LGMN: variants seen among roughly 807,000 people sequenced by gnomAD.
LGMN encodes asparaginyl endopeptidase.
In LGMN, 36 loss-of-function variants were observed where a neutral mutation model predicts 56.8. The ratio of observed to expected loss-of-function variants is 0.63; its 90% CI spans 0.49 to 0.84. The LOEUF (loss-of-function observed/expected upper bound fraction) is 0.84. LGMN is among the 40% of genes least tolerant of loss of function. LGMN has a pLI of 0.00. For missense variants in LGMN, 446 were observed against 556.1 expected, an observed-to-expected ratio of 0.80 and a Z score of 1.99; for synonymous variants, 199 against 210.1, an observed-to-expected ratio of 0.95 and a Z score of 0.46.
At chr14:92,712,955 T>A in intron 7 of LGMN, 84 bp from the exon 8 acceptor site, 1 of 1,219,248 alleles carries the variant, frequency 8.2e-7, no homozygotes, top group Non-Finnish European at 1.2e-6. Context: ...CCACTCTCTC[T>A]ACCCATTCCT....
rs74072446 is a variant in LGMN, at chr14:92,745,280, G to A, written c.-30+3209C>T. Among the ~76,000 whole-genome samples the A allele has an allele frequency of 9.0e-3, 1,368 of 152,308 alleles. 23 individuals are homozygous for A. The highest frequency in any genetic ancestry group is 0.031 in the African/African-American group (1,299 of 41,562). On this transcript the variant is annotated intron_variant, in intron 1 of 13. Coordinates refer to ENST00000334869, the MANE Select transcript of LGMN (RefSeq NM_005606.7). ...AAACCTGGGACCAGTGCAGTTTGCAGCCTTTTCCCAAAATGACTGAGCCTA... is the reference window on the plus strand; with the variant it reads ...AAACCTGGGACCAGTGCAGTTTGCAACCTTTTCCCAAAATGACTGAGCCTA...
At position 92,745,850 on chromosome 14, in the gene LGMN, T is replaced by C. The variant is rs539027967; in HGVS notation, c.-30+2639A>G. 7.2e-5 allele frequency among the ~76,000 whole-genome samples: 11 copies of C among 151,938 alleles called. No individual in the cohort carries two copies. In the East Asian group the frequency reaches 2.1e-3, roughly 29 times the overall value. On this transcript the variant is annotated intron_variant, in intron 1 of 13. Transcript: ENST00000334869. ...TTTTCTTTTTTTTTTTGAGATGGCA[T>C]GTCCCTCTCTGGCCAGGCTGGAGTG...
chr14:92,743,801 C>CA (rs397853236), intron 1 of LGMN, among the ~76,000 whole-genome samples: 343 of 94,900 alleles, frequency 3.6e-3, no homozygotes, highest in Middle Eastern at 7.4e-3. Flanking sequence ...GACTCTGTCT[C>CA]AAAAAAAAAA....
rs772606611 is a variant in LGMN, at chr14:92,732,688, G to T, written c.99C>A (p.Ile33=). 4 of 1,614,014 alleles carry T rather than the reference G, an allele frequency of 2.5e-6. No individual in the cohort carries two copies. Among genetic ancestry groups the T allele is most frequent in the Non-Finnish European group, 3.4e-6 (4 of 1,179,996 alleles). ...PEDGGKHWVV[I]VAGSNGWYNY... ...TATACCAGCCATTTGAACCTGCCAC[G>T]ATCACCACCCAGTGCTTGCCTCCAT... is the stretch of plus-strand genomic sequence containing the variant. The change falls in exon 2 of 14, where the codon ATC becomes ATA. Residue 33 remains isoleucine (I), a synonymous_variant. Coordinates refer to ENST00000334869, the MANE Select transcript of LGMN (RefSeq NM_005606.7).
chr14:92,742,962 A>G (rs1434375229), intron 1 of LGMN: 1 of 151,896 alleles, frequency 6.6e-6, no homozygotes, highest in Non-Finnish European at 1.5e-5. Flanking sequence ...TGAGCCCGGG[A>G]AGTCAAGGCT....
intron 1 of LGMN, among the ~76,000 whole-genome samples, chr14:92,736,713 T>G (rs2140271540): frequency 6.6e-6 from 1 of 152,258 alleles, no homozygotes; most frequent in Middle Eastern, 3.4e-3. Flanking sequence ...CCTGTTCCCT[T>G]AACCATAAAC....
intron 10 of LGMN, among the ~76,000 whole-genome samples, chr14:92,710,710 C>T (rs1320775513): frequency 6.6e-6 from 1 of 152,228 alleles, no homozygotes; most frequent in African/African-American, 2.4e-5. Context: ...GATGAGGACA[C>T]TGTGAAGAGA....
At chr14:92,745,971 G>T (rs999598643) in intron 1 of LGMN, among the ~76,000 whole-genome samples, 1 of 152,042 alleles carries the variant, frequency 6.6e-6, no homozygotes, top group Non-Finnish European at 1.5e-5. Context: ...ACAGGCACGT[G>T]CCACCACACC....
Position 92,711,742 on chromosome 14 carries a change from G to A in LGMN, c.736C>T (p.Leu246=). The stretch of plus-strand genomic sequence containing the variant: ...TGCTTGTGCAGGGTCTCTTTAGTCA[G>A]ATCTTCCTGCAAAAAGTGAGACCAT... ...NWMEDSDVED[L]TKETLHKQYH... is the part of the protein sequence containing the mutation. The change falls in exon 10 of 14, where the codon CTG becomes TTG. Residue 246 remains leucine, a synonymous_variant. Coordinates refer to ENST00000334869, the MANE Select transcript of LGMN (RefSeq NM_005606.7). 1 of 1,614,130 alleles carries A rather than the reference G, an allele frequency of 6.2e-7. No individual in the cohort carries two copies. The highest frequency in any genetic ancestry group is 8.5e-7 in the Non-Finnish European group (1 of 1,179,978).
intron 2 of LGMN, among the ~76,000 whole-genome samples, chr14:92,728,794 TG>T (rs2140253383): frequency 6.6e-6 from 1 of 152,356 alleles, no homozygotes; most frequent in Non-Finnish European, 1.5e-5. Context: ...CACCCCTTAC[TG>T]GCTGTGTGAC....
intron 1 of LGMN, among the ~76,000 whole-genome samples, chr14:92,734,711 C>T (rs1891217876): frequency 6.6e-6 from 1 of 152,056 alleles, no homozygotes; most frequent in Admixed American, 6.6e-5. Context: ...ATTCCAAACC[C>T]TTAAATACAT....
rs772865856 is a variant in LGMN, at chr14:92,711,645, G to A, written c.819+14C>T. Reference sequence around the variant, plus strand: ...CAAGGAACAGAGGGCCAGCACGCGAGGCTCCCGACTCACTTTGTTTCCATA... The same window carrying A: ...CAAGGAACAGAGGGCCAGCACGCGAAGCTCCCGACTCACTTTGTTTCCATA... On this transcript the variant is annotated intron_variant, in intron 10 of 13. Transcript: ENST00000334869. 1.2e-6 allele frequency: 2 copies of A among 1,612,512 alleles called. No individual in the cohort carries two copies. The highest frequency in any genetic ancestry group is 2.2e-5 in the East Asian group (1 of 44,878).
At chr14:92,725,132 G>A (rs1398238441) in intron 2 of LGMN, among the ~76,000 whole-genome samples, 1 of 152,228 alleles carries the variant, frequency 6.6e-6, no homozygotes, top group East Asian at 1.9e-4. Flanking sequence ...GTCCTGTGCT[G>A]CCTCTGGCAT....
At position 92,714,028 on chromosome 14, in the gene LGMN, A is replaced by G; in HGVS notation, c.481-143T>C. 1 of 705,816 alleles carries G rather than the reference A, an allele frequency of 1.4e-6. No homozygotes were observed. The allele number at this position is 705,816 out of a possible 1,614,324, so 43.7% of individuals were successfully genotyped here. A position where few individuals can be genotyped will look rare whatever the true frequency, so the allele number is the denominator to read the frequency against. ...TCATGGTGAAGAACATAACCCCAGA[A>G]TGTCGTCACATGTTTTATGCACGCA... On this transcript the variant is annotated intron_variant, in intron 6 of 13. Transcript: ENST00000334869. This position sits in a 1 kb window ranked among gnomAD's most constrained non-coding sequence, Gnocchi z 5.1.
chr14:92,716,073 CA>C, intron 5 of LGMN, 62 bp downstream of exon 5: 1 of 1,109,974 alleles, frequency 9.0e-7, no homozygotes, highest in South Asian at 1.4e-5. Flanking sequence ...ACACCTGTTT[CA>C]ATTCTCTATA....
intron 2 of LGMN, among the ~76,000 whole-genome samples, chr14:92,732,105 G>A (rs2140261962): frequency 6.6e-6 from 1 of 152,300 alleles, no homozygotes; most frequent in Admixed American, 6.5e-5. Context: ...CACTTGCCAT[G>A]TGACCTTGAG....
intron 11 of LGMN, among the ~76,000 whole-genome samples, chr14:92,708,497 C>T (rs78814862): frequency 0.011 from 1,604 of 152,174 alleles, 15 homozygotes; most frequent in Non-Finnish European, 0.015. Context: ...TGCTATACTG[C>T]GTTTGACACC....
rs142102964 is a variant in LGMN, at chr14:92,723,987, T to C, written c.139-5143A>G. On this transcript the variant is annotated intron_variant, in intron 2 of 13. Transcript: ENST00000334869. ...CCTCAAGTGATCCATCCGCCTTGGC[T>C]TCCCAAAGTGCTGGGATTATAGGTG... Among the ~76,000 whole-genome samples the C allele has an allele frequency of 6.2e-3, 949 of 152,220 alleles. 10 individuals carry two copies. The highest frequency in any genetic ancestry group is 0.021 in the African/African-American group (893 of 41,550).
intron 1 of LGMN, among the ~76,000 whole-genome samples, chr14:92,743,925 G>T (rs1891695542): frequency 6.6e-6 from 1 of 152,108 alleles, no homozygotes; most frequent in East Asian, 1.9e-4. Flanking sequence ...AAAGGTTGAG[G>T]TGGGCGGATT....
Sources: allele counts gnomAD v4.1 joint callset (sites outside exome capture counted in the v4.1 genomes callset), GRCh38; gene constraint gnomAD v4.1.1; non-coding constraint Gnocchi (gnomAD v3.1); transcripts MANE v1.5; gene names NCBI Gene and HGNC (gene_info 2026-07-23, HGNC 2026-07-21).